Variants in NLGN1 observed in about 807,000 individuals in gnomAD.
NLGN1 encodes neuroligin 1, also known as neuroligin-1.
A neutral mutation model predicts 65.5 loss-of-function variants in NLGN1; 12 were observed. The observed-to-expected ratio is 0.18, with a 90% CI of 0.12 to 0.30. The LOEUF (loss-of-function observed/expected upper bound fraction) is 0.30. Ranked by LOEUF, NLGN1 falls within the 10% of genes least tolerant of loss-of-function variation. NLGN1 has a pLI of 1.00. For synonymous variants in NLGN1, 350 were observed against 359.5 expected, an observed-to-expected ratio of 0.97 and a Z score of 0.30; for missense variants, 750 against 1,007.1, an observed-to-expected ratio of 0.74 and a Z score of 3.46.
At chr3:173,712,639 G>A (rs959826072) in intron 3 of NLGN1, among the ~76,000 whole-genome samples, 1 of 152,120 alleles carries the variant, frequency 6.6e-6, no homozygotes, top group Admixed American at 6.6e-5. Context: ...TACACGGGAA[G>A]TGCCCAGAAC....
intron 4 of NLGN1, among the ~76,000 whole-genome samples, chr3:174,218,235 C>G (rs1435294141): frequency 6.6e-6 from 1 of 151,950 alleles, no homozygotes; most frequent in African/African-American, 2.4e-5. Flanking sequence ...TCATTGATTA[C>G]CCTTTACCTT....
intron 3 of NLGN1, among the ~76,000 whole-genome samples, chr3:173,724,172 G>C (rs1229383325): frequency 6.6e-6 from 1 of 152,172 alleles, no homozygotes; most frequent in Non-Finnish European, 1.5e-5. Flanking sequence ...GTAGAATCTG[G>C]AGATAAAACT....
rs188103958 is a variant in NLGN1, at chr3:174,047,733, C to T, written c.647-227582C>T. 1.9e-3 allele frequency among the ~76,000 whole-genome samples: 284 copies of T among 151,292 alleles called. 1 individual carries two copies. The highest frequency in any genetic ancestry group is 3.7e-3 in the Admixed American group (57 of 15,202). On this transcript the variant is annotated intron_variant, in intron 4 of 6. Coordinates refer to ENST00000457714, the Ensembl canonical transcript of NLGN1. The stretch of plus-strand genomic sequence containing the variant: ...GAAGTCTAGAGACTTTGTATCTATT[C>T]GTATTCCTATCATTATTTTATTTGC...
intron 4 of NLGN1, among the ~76,000 whole-genome samples, chr3:174,019,293 TAATA>T (rs1727250042): frequency 6.6e-6 from 1 of 152,122 alleles, no homozygotes; most frequent in Non-Finnish European, 1.5e-5. Flanking sequence ...TAAGAATAAT[TAATA>T]TGAAATATGT....
intron 4 of NLGN1, among the ~76,000 whole-genome samples, chr3:173,878,292 G>A (rs957176458): frequency 3.3e-5 from 5 of 151,966 alleles, no homozygotes; most frequent in Admixed American, 2.6e-4. Flanking sequence ...CCCCTGCTTG[G>A]GCCTCTCAGA....
intron 4 of NLGN1, among the ~76,000 whole-genome samples, chr3:173,933,512 G>T (rs1440381223): frequency 3.3e-5 from 5 of 152,136 alleles, no homozygotes; most frequent in African/African-American, 1.2e-4. Context: ...GACAATTAAA[G>T]ATAGCAGGTA....
chr3:173,954,669 A>G (rs1351308306), intron 4 of NLGN1, among the ~76,000 whole-genome samples: 2 of 152,072 alleles, frequency 1.3e-5, no homozygotes, highest in Non-Finnish European at 2.9e-5. Flanking sequence ...GATTAGGTAG[A>G]ACTGACTATT....
chr3:173,959,269 C>T (rs534993567), intron 4 of NLGN1, among the ~76,000 whole-genome samples: 1 of 152,342 alleles, frequency 6.6e-6, no homozygotes, highest in African/African-American at 2.4e-5. Flanking sequence ...CCCAACTGCT[C>T]CTTCCCACTG....
chr3:173,701,859 A>G (rs1023660012), intron 3 of NLGN1, among the ~76,000 whole-genome samples: 16 of 152,184 alleles, frequency 1.1e-4, no homozygotes, highest in Non-Finnish European at 1.9e-4. Flanking sequence ...TGGGCTACAC[A>G]AGGCTCTGAG....
At chr3:173,660,270 A>G (rs973934944) in intron 3 of NLGN1, among the ~76,000 whole-genome samples, 1 of 151,878 alleles carries the variant, frequency 6.6e-6, no homozygotes, top group African/African-American at 2.4e-5. Flanking sequence ...CATCCAAGGA[A>G]CACTTGTTTC....
chr3:173,539,789 CATATATACAT>C lies in NLGN1; in HGVS notation c.-320-64474_-320-64465del, dbSNP rs199956201. 3.9e-3 allele frequency among the ~76,000 whole-genome samples: 376 copies of C among 96,804 alleles called. 1 individual carries two copies. In the East Asian group the frequency reaches 0.067, roughly 17 times the overall value. 63.5% of individuals were successfully genotyped at this position (96,804 alleles called of 152,430 possible). On this transcript the variant is annotated intron_variant, in intron 2 of 6. Transcript: ENST00000457714. ...TACATATATAACACATATATATGTACATATATACATATATATACATATATACATATGTTAT... is the reference window on the plus strand; with the variant it reads ...TACATATATAACACATATATATGTACATATATACATATATACATATGTTAT...
chr3:174,257,864 TG>T (rs1746093273), intron 4 of NLGN1, among the ~76,000 whole-genome samples: 1 of 151,242 alleles, frequency 6.6e-6, no homozygotes, highest in Non-Finnish European at 1.5e-5. Flanking sequence ...TACAAAGTAT[TG>T]ATCCTGGGAT....
At chr3:174,166,697 T>A (rs926310865) in intron 4 of NLGN1, among the ~76,000 whole-genome samples, 3 of 152,102 alleles carry the variant, frequency 2.0e-5, no homozygotes, top group Admixed American at 6.6e-5. Context: ...CTATTATGTC[T>A]AGTTGGTCAC....
At chr3:174,013,829 T>C (rs2152445946) in intron 4 of NLGN1, among the ~76,000 whole-genome samples, 1 of 152,286 alleles carries the variant, frequency 6.6e-6, no homozygotes, top group South Asian at 2.1e-4. Flanking sequence ...CACTCCTACC[T>C]CAGCCTCCCA....
chr3:174,060,957 C>T (rs1033169881), intron 4 of NLGN1, among the ~76,000 whole-genome samples: 1 of 152,020 alleles, frequency 6.6e-6, no homozygotes, highest in African/African-American at 2.4e-5. Flanking sequence ...TTGAGGGTAG[C>T]TTACCATATT....
chr3:173,882,298 G>C (rs1403317626), intron 4 of NLGN1, among the ~76,000 whole-genome samples: 1 of 152,074 alleles, frequency 6.6e-6, no homozygotes, highest in Non-Finnish European at 1.5e-5. Flanking sequence ...GTGGGAATTG[G>C]CTTCATCTTA....
chr3:174,061,701 A>T (rs1450698968), intron 4 of NLGN1, among the ~76,000 whole-genome samples: 1 of 152,152 alleles, frequency 6.6e-6, no homozygotes, highest in African/African-American at 2.4e-5. Context: ...TAACATCAAA[A>T]TAGCAGCAAC....
intron 2 of NLGN1, among the ~76,000 whole-genome samples, chr3:173,450,876 C>T (rs557930845): frequency 2.6e-5 from 4 of 152,296 alleles, no homozygotes; most frequent in African/African-American, 7.2e-5. Context: ...CTTGTGCATT[C>T]GTCACGTAGT....
chr3:173,691,969 A>T (rs558620633), intron 3 of NLGN1, among the ~76,000 whole-genome samples: 1 of 152,232 alleles, frequency 6.6e-6, no homozygotes, highest in Non-Finnish European at 1.5e-5. Context: ...ATCTCTTTAT[A>T]AAAGAATACA....
Sources: allele counts gnomAD v4.1 joint callset (sites outside exome capture counted in the v4.1 genomes callset), GRCh38; gene constraint gnomAD v4.1.1; transcripts MANE v1.5; gene names NCBI Gene and HGNC (gene_info 2026-07-23, HGNC 2026-07-21).